The following TRPM1 variants were observed in gnomAD, a reference collection of about 807,000 sequenced individuals.
The protein encoded by TRPM1 is transient receptor potential cation channel subfamily M member 1.
In TRPM1, 113 loss-of-function variants were observed where a neutral mutation model predicts 149.4. That is an observed-to-expected ratio of 0.76 (90% confidence interval 0.65 to 0.88). The LOEUF is 0.88. TRPM1 is among the 40% of genes least tolerant of loss of function. The pLI, the probability that TRPM1 is intolerant of heterozygous loss-of-function variation, is 0.00. For missense variants in TRPM1, 1,976 were observed against 2,038.7 expected (o/e 0.97, Z 0.59); for synonymous variants, 741 against 759.5 (o/e 0.98, Z 0.40).
intron 1 of TRPM1, among the ~76,000 whole-genome samples, chr15:31,111,424 C>T (rs921922549): frequency 3.3e-5 from 5 of 152,190 alleles, no homozygotes; most frequent in African/African-American, 4.8e-5. Context: ...TGGCAAAATT[C>T]CCAAAATGTG....
At chr15:31,117,501 AGCTGAGCATGGAGGT>A (rs991508034) in intron 1 of TRPM1, among the ~76,000 whole-genome samples, 5 of 151,944 alleles carry the variant, frequency 3.3e-5, no homozygotes, top group African/African-American at 1.2e-4. Context: ...AAAAAAAAAT[AGCTGAGCATGGAGGT>A]GCAAGCCTGT....
At chr15:31,160,769 C>T (rs1428855609) in intron 1 of TRPM1, 9 of 901,208 alleles carry the variant, frequency 1.0e-5, no homozygotes, top group African/African-American at 4.9e-5. Context: ...CTGAACACCC[C>T]ATGCCCCATG....
At chr15:31,069,405 A>G in intron 4 of TRPM1, 1 of 995,710 alleles carries the variant, frequency 1.0e-6, no homozygotes, top group African/African-American at 1.7e-5. Context: ...AACACAGCTA[A>G]ATTTTATTTT....
chr15:31,056,289 C>T (rs1339153637), intron 11 of TRPM1, among the ~76,000 whole-genome samples: 1 of 152,144 alleles, frequency 6.6e-6, no homozygotes, highest in African/African-American at 2.4e-5. Flanking sequence ...AGAGCTGATT[C>T]AGGTCTTCAG....
At chr15:31,113,329 G>A (rs150474967) in intron 1 of TRPM1, among the ~76,000 whole-genome samples, 2 of 152,108 alleles carry the variant, frequency 1.3e-5, no homozygotes, top group South Asian at 2.1e-4. Flanking sequence ...GCCCCTGACT[G>A]GGAAAGACTT....
intron 27 of TRPM1, among the ~76,000 whole-genome samples, chr15:31,003,969 G>A (rs2031886387): frequency 6.6e-6 from 1 of 151,870 alleles, no homozygotes; most frequent in African/African-American, 2.4e-5. Context: ...CATACAGTAT[G>A]AATTATTTCA....
chr15:31,110,148 C>T (rs1225108827), intron 1 of TRPM1, among the ~76,000 whole-genome samples: 2 of 152,150 alleles, frequency 1.3e-5, no homozygotes, highest in African/African-American at 4.8e-5. Flanking sequence ...TAAGTTAGCA[C>T]TACTACTACT....
At chr15:31,018,892 G>A (rs1383882375) in intron 27 of TRPM1, among the ~76,000 whole-genome samples, 2 of 152,202 alleles carry the variant, frequency 1.3e-5, no homozygotes, top group Non-Finnish European at 2.9e-5. Flanking sequence ...CTGGCCCCAA[G>A]CAATCAGCCC....
intron 2 of TRPM1, 74 bp downstream of exon 2, chr15:31,081,279 C>A: frequency 1.1e-6 from 1 of 870,896 alleles, no homozygotes; most frequent in Non-Finnish European, 1.8e-6. Context: ...CTAATAAAAA[C>A]GCTAGCATGT....
chr15:31,116,345 T>A (rs10851490), intron 1 of TRPM1, among the ~76,000 whole-genome samples: 1 of 151,906 alleles, frequency 6.6e-6, no homozygotes, highest in South Asian at 2.1e-4. Context: ...CCGTGGCTCA[T>A]GCCTGCAGTC....
chr15:31,075,132 A>T (rs1486346815), intron 3 of TRPM1, among the ~76,000 whole-genome samples: 3 of 152,230 alleles, frequency 2.0e-5, no homozygotes, highest in Non-Finnish European at 4.4e-5. Context: ...GCACTTGAGA[A>T]GAATGTGTTT....
At position 31,040,465 on chromosome 15, in the gene TRPM1, C is replaced by T. The variant is rs1456938598; in HGVS notation, c.2088-119G>A. On this transcript the variant is annotated intron_variant, in intron 17 of 27. Transcript: ENST00000256552. This position sits in a 1 kb window ranked among gnomAD's most constrained non-coding sequence, Gnocchi z 4.2. The stretch of plus-strand genomic sequence containing the variant: ...GACACAGTATCCTTCACTGGAGGGG[C>T]TCTGAGGTTCTCTGCAAGCAAGAAG... The T allele has an allele frequency of 7.4e-6, 6 of 807,466 alleles. No homozygotes were observed. The highest frequency in any genetic ancestry group is 1.7e-5 in the African/African-American group (1 of 58,964). The allele number at this position is 807,466 out of a possible 1,614,324, so 50.0% of individuals were successfully genotyped here.
chr15:31,089,164 G>A (rs542325353), intron 1 of TRPM1, among the ~76,000 whole-genome samples: 2 of 152,302 alleles, frequency 1.3e-5, no homozygotes, highest in Admixed American at 1.3e-4. Context: ...TTTGCCTTCT[G>A]GTGTTGCATT....
intron 1 of TRPM1, among the ~76,000 whole-genome samples, chr15:31,126,159 A>G (rs1239641472): frequency 6.6e-6 from 1 of 152,136 alleles, no homozygotes; most frequent in Non-Finnish European, 1.5e-5. Context: ...AAAGAAACAA[A>G]CAAACAAAAC....
chr15:31,104,794 C>A (rs1190026006), upstream of TRPM1, among the ~76,000 whole-genome samples: 1 of 152,074 alleles, frequency 6.6e-6, no homozygotes, highest in Non-Finnish European at 1.5e-5. Flanking sequence ...CTGGGTTTCA[C>A]CGTGTTGGCC....
Position 31,040,703 on chromosome 15 carries a change from C to T in TRPM1, c.2088-357G>A, listed in dbSNP as rs2033587041. ...CAGATAGAAAAGACAGCAAAAGTGA[C>T]TTCAAATGCAGCACCTGTGGAGTTG... On this transcript the variant is annotated intron_variant, in intron 17 of 27. Coordinates refer to ENST00000256552, the MANE Select transcript of TRPM1 (RefSeq NM_001252024.2). This position sits in a 1 kb window ranked among gnomAD's most constrained non-coding sequence, Gnocchi z 4.2. 6.6e-6 allele frequency among the ~76,000 whole-genome samples: 1 copy of T among 152,060 alleles called. No individual in the cohort carries two copies. The highest frequency in any genetic ancestry group is 6.6e-5 in the Admixed American group (1 of 15,264).
At chr15:31,015,156 C>T (rs1250296894) in intron 27 of TRPM1, among the ~76,000 whole-genome samples, 1 of 216 alleles carries the variant, frequency 4.6e-3, no homozygotes, top group Non-Finnish European at 0.013. Flanking sequence ...GCCTGTAATC[C>T]CAGCATTTGG....
intron 3 of TRPM1, among the ~76,000 whole-genome samples, chr15:31,072,018 T>TATAGAGAGAGAG (rs1400392427): frequency 6.0e-4 from 22 of 36,906 alleles, no homozygotes; most frequent in African/African-American, 1.9e-3. Flanking sequence ...TATATATATA[T>TATAGAGAGAGAG]AGAGAGAGAG....
At chr15:31,064,902 C>T (rs560082573) in intron 7 of TRPM1, 282 of 422,094 alleles carry the variant, frequency 6.7e-4, no homozygotes, top group Non-Finnish European at 4.2e-4. Context: ...TCCTGGACTC[C>T]GCCTTTGAGA....
Sources: allele counts gnomAD v4.1 joint callset (sites outside exome capture counted in the v4.1 genomes callset), GRCh38; gene constraint gnomAD v4.1.1; non-coding constraint Gnocchi (gnomAD v3.1); transcripts MANE v1.5; gene names NCBI Gene and HGNC (gene_info 2026-07-23, HGNC 2026-07-21).